OGDHL: variants seen among roughly 807,000 people sequenced by gnomAD.
The protein encoded by OGDHL is 2-oxoglutarate dehydrogenase-like, mitochondrial.
OGDHL carries 79 observed loss-of-function variants against 109.6 expected under a neutral mutation model. The ratio of observed to expected loss-of-function variants is 0.72; its 90% CI spans 0.60 to 0.87. The LOEUF (loss-of-function observed/expected upper bound fraction) is 0.87. Among genes scored for constraint, OGDHL ranks in the 40% least tolerant of loss-of-function variants. The probability of loss-of-function intolerance (pLI) is 0.00; values close to 1 mark genes in which losing one functional copy is unlikely to be tolerated. For missense variants in OGDHL, 1,275 were observed against 1,362.2 expected (o/e 0.94, Z 1.01); for synonymous variants, 528 against 537.2 (o/e 0.98, Z 0.24).
chr10:49,736,557 C>T, intron 20 of OGDHL, 37 bp from the exon 21 acceptor site: 1 of 1,601,866 alleles, frequency 6.2e-7, no homozygotes, highest in Non-Finnish European at 8.5e-7. Flanking sequence ...GGCGTTGGTA[C>T]CCAGAGGGGC....
chr10:49,742,446 AC>A (rs1841829865), intron 15 of OGDHL, among the ~76,000 whole-genome samples: 12 of 114,394 alleles, frequency 1.0e-4, no homozygotes, highest in Non-Finnish European at 1.3e-4. Flanking sequence ...CAACAAACAC[AC>A]CACACACACG....
At position 49,756,861 on chromosome 10, in the gene OGDHL, C is replaced by T. The variant is rs945831718; in HGVS notation, c.290G>A (p.Ser97Asn). The T allele has an allele frequency of 3.7e-6, 6 of 1,614,022 alleles. No individual in the cohort carries two copies. Among genetic ancestry groups the T allele is most frequent in the African/African-American group, 1.3e-5 (1 of 74,942 alleles). Residue 97 changes from serine to asparagine, a missense_variant, in exon 3 of 23, where the codon AGC becomes AAC. Physicochemically the swap from Ser to Asn is conservative, Grantham distance 46 (BLOSUM62 1). Transcript: ENST00000374103. ...QPRPPSVVHE[S>N]RSAVSSRTKT... Reference sequence around the variant, plus strand: ...GGTCCGACTTGAGACTGCAGACCTGCTCTCATGGACAACAGAAGGGGGCCG... The same window carrying T: ...GGTCCGACTTGAGACTGCAGACCTGTTCTCATGGACAACAGAAGGGGGCCG...
In OGDHL at chr10:49,751,987, G is replaced by A; in HGVS notation, c.595-6C>T. ...ATGTGCTGGCAGTAGGTGTTCTGGG[G>A]AGACACATTGGGACCCCATGAGGAG... On this transcript the variant is annotated splice_region_variant and splice_polypyrimidine_tract_variant and intron_variant, in intron 5 of 22. Coordinates refer to ENST00000374103, the MANE Select transcript of OGDHL (RefSeq NM_018245.3). 9 of 1,614,114 alleles carry A rather than the reference G, an allele frequency of 5.6e-6. No homozygotes were observed. Among genetic ancestry groups the A allele is most frequent in the Non-Finnish European group, 7.6e-6 (9 of 1,180,032 alleles).
intron 17 of OGDHL, chr10:49,738,637 A>C: frequency 3.4e-6 from 1 of 292,792 alleles, no homozygotes; most frequent in Non-Finnish European, 6.6e-6. Flanking sequence ...AAGTAGCCCC[A>C]TGATGCAGAC....
intron 22 of OGDHL, 152 bp downstream of exon 22, chr10:49,735,871 C>A: frequency 2.3e-6 from 2 of 871,264 alleles, no homozygotes. Context: ...GGCTGCAGAA[C>A]AAACACAAAG....
intron 15 of OGDHL, among the ~76,000 whole-genome samples, chr10:49,741,958 C>G (rs932734755): frequency 9.1e-6 from 1 of 110,224 alleles, no homozygotes; most frequent in East Asian, 8.9e-4. Flanking sequence ...ACACACCACA[C>G]ACACTACATA....
chr10:49,745,749 G>C, intron 11 of OGDHL, 49 bp downstream of exon 11: 1 of 1,590,862 alleles, frequency 6.3e-7, no homozygotes, highest in Non-Finnish European at 8.6e-7. Flanking sequence ...GCTCAGCACA[G>C]CAGGGATGGG....
chr10:49,750,811 G>T, intron 7 of OGDHL, 28 bp downstream of exon 7: 1 of 1,585,882 alleles, frequency 6.3e-7, no homozygotes, highest in Non-Finnish European at 8.6e-7. Flanking sequence ...AGGAGAATGC[G>T]CAAGGCACAG....
chr10:49,745,853 C>T lies in OGDHL; in HGVS notation c.1421G>A (p.Cys474Tyr). 1 of 1,614,238 alleles carries T rather than the reference C, an allele frequency of 6.2e-7. No individual in the cohort carries two copies. The change falls in exon 11 of 23, where the codon TGC (cysteine) becomes TAC (tyrosine). Residue 474 changes from cysteine to tyrosine, a missense_variant. By Grantham distance (194) the Cys-to-Tyr change is radical (BLOSUM62 -2). Coordinates refer to ENST00000374103, the MANE Select transcript of OGDHL (RefSeq NM_018245.3). ...ADDPEAVIYVCSVAAEWRNTF... is the reference protein window; with the variant it reads ...ADDPEAVIYVYSVAAEWRNTF... ...GTTTCTCCATTCGGCTGCCACACTGCACACATATATCACAGCCTCTGGGTC... is the reference window on the plus strand; with the variant it reads ...GTTTCTCCATTCGGCTGCCACACTGTACACATATATCACAGCCTCTGGGTC...
chr10:49,738,196 A>G lies in OGDHL; in HGVS notation c.2386T>C (p.Tyr796His). 6.2e-7 allele frequency: 1 copy of G among 1,614,080 alleles called. No individual in the cohort carries two copies. Reference sequence around the variant, plus strand: ...GGGACAGCAGCAACACTCACAGGGTAGGCATCCGAGTCATCATTGCTCATC... The same window carrying G: ...GGGACAGCAGCAACACTCACAGGGTGGGCATCCGAGTCATCATTGCTCATC... ...LQMSNDDSDA[Y>H]PAFTKDFEVS... The change falls in exon 18 of 23, where the codon TAC (tyrosine) becomes CAC (histidine). Residue 796 changes from tyrosine to histidine, a missense_variant. By Grantham distance (83) the Tyr-to-His change is moderately conservative. Transcript: ENST00000374103.
intron 8 of OGDHL, 120 bp downstream of exon 8, chr10:49,749,606 C>T: frequency 1.2e-6 from 1 of 839,708 alleles, no homozygotes; most frequent in Non-Finnish European, 1.8e-6. Context: ...CTGCAGGCTT[C>T]TCCAATGCAT....
Position 49,752,690 on chromosome 10 carries a change from T to C in OGDHL, c.426A>G (p.Ala142=). 1.9e-6 allele frequency: 3 copies of C among 1,614,180 alleles called. No individual in the cohort carries two copies. The highest frequency in any genetic ancestry group is 1.1e-5 in the South Asian group (1 of 91,082). ...AQLDPLGILD[A]DLDSFVPSDL... ...CTGAGGGCACAAAGGAGTCCAGGTC[T>C]GCATCCAGAATGCCCAGGGGGTCCA... Residue 142 remains alanine (A), a synonymous_variant, in exon 4 of 23, where the codon GCA becomes GCG. Coordinates refer to ENST00000374103, the MANE Select transcript of OGDHL (RefSeq NM_018245.3).
intron 17 of OGDHL, chr10:49,739,423 C>T: frequency 2.1e-6 from 1 of 469,264 alleles, no homozygotes; most frequent in Non-Finnish European, 3.8e-6. Flanking sequence ...AAGCATTGAA[C>T]AGTGCCTGGC....
intron 15 of OGDHL, among the ~76,000 whole-genome samples, chr10:49,742,541 C>A (rs1841855247): frequency 9.0e-6 from 1 of 110,648 alleles, no homozygotes; most frequent in African/African-American, 3.4e-5. Flanking sequence ...ACACACACAC[C>A]ACACACAACT....
rs1842054768 is a variant in OGDHL, at chr10:49,744,771, T to G, written c.1630-19A>C. Reference sequence around the variant, plus strand: ...TTTCTTCCTGGAATCAGGATGAAGATGTGGACAGAGCACCAAAGCCCTGCG... The same window carrying G: ...TTTCTTCCTGGAATCAGGATGAAGAGGTGGACAGAGCACCAAAGCCCTGCG... On this transcript the variant is annotated intron_variant, in intron 12 of 22. Transcript: ENST00000374103. 6.2e-7 allele frequency: 1 copy of G among 1,604,392 alleles called. No homozygotes were observed. The highest frequency in any genetic ancestry group is 2.2e-5 in the East Asian group (1 of 44,836).
chr10:49,752,140 C>A lies in OGDHL; in HGVS notation c.587G>T (p.Arg196Leu). The A allele has an allele frequency of 6.2e-7, 1 of 1,614,018 alleles. No homozygotes were observed. Among genetic ancestry groups the A allele is most frequent in the Non-Finnish European group, 8.5e-7 (1 of 1,179,952 alleles). The stretch of plus-strand genomic sequence containing the variant: ...ACACCCGCCTGTGCTCACCTCCAGG[C>A]GCCGAATGATCTCCCGCAGAGAGAG... ...NTLSLREIIR[R>L]LENTYCQHIG... Residue 196 changes from arginine (R) to leucine (L), a missense_variant, in exon 5 of 23, where the codon CGC (arginine) becomes CTC (leucine). Transcript: ENST00000374103.
intron 9 of OGDHL, 27 bp from the exon 10 acceptor site, chr10:49,746,905 G>T (rs1376729557): frequency 6.2e-7 from 1 of 1,613,688 alleles, no homozygotes; most frequent in South Asian, 1.1e-5. Context: ...AGCCAGGAGG[G>T]GCTGCGTGCC....
Position 49,738,275 on chromosome 10 carries a change from G to T in OGDHL, c.2320-13C>A. ...AGTGCTCTGGGCCCTGAAAGCAAAC[G>T]CCAGACAGCCAAGGCTGGACCCCAC... On this transcript the variant is annotated splice_polypyrimidine_tract_variant and intron_variant, in intron 17 of 22. Transcript: ENST00000374103. 1 of 1,612,134 alleles carries T rather than the reference G, an allele frequency of 6.2e-7. No individual in the cohort carries two copies. The highest frequency in any genetic ancestry group is 8.5e-7 in the Non-Finnish European group (1 of 1,179,954).
rs752663091 is a variant in OGDHL at position 49,747,079 on chromosome 10, C to G, written c.1117G>C (p.Gly373Arg). Residue 373 changes from glycine to arginine, a missense_variant, in exon 9 of 23, where the codon GGG becomes CGG. Coordinates refer to ENST00000374103, the MANE Select transcript of OGDHL (RefSeq NM_018245.3). Reference protein sequence around the residue: ...HLEAVDPVVQGKTKAEQFYRG... With the variant: ...HLEAVDPVVQRKTKAEQFYRG... ...TAGAACTGCTCTGCCTTTGTCTTCC[C>G]CTGCACCACAGGGTCCACTGCCTCC... The G allele has an allele frequency of 2.0e-5, 33 of 1,614,086 alleles. No homozygotes were observed. In the Admixed American group the frequency reaches 5.0e-4, roughly 24 times the overall value.
Sources: allele counts gnomAD v4.1 joint callset (sites outside exome capture counted in the v4.1 genomes callset), GRCh38; gene constraint gnomAD v4.1.1; transcripts MANE v1.5; gene names NCBI Gene and HGNC (gene_info 2026-07-23, HGNC 2026-07-21).